QDPR: variants seen among roughly 807,000 people sequenced by gnomAD.
QDPR encodes quinoid dihydropteridine reductase.
In QDPR, 23 loss-of-function variants were observed where a neutral mutation model predicts 31.7. The observed-to-expected ratio is 0.73, with a 90% confidence interval of 0.52 to 1.03. The LOEUF is 1.03. Among genes scored for constraint, QDPR ranks in the 50% least tolerant of loss-of-function variants. The pLI is 0.00. For synonymous variants in QDPR, 124 were observed against 124.7 expected (o/e 0.99, Z 0.03); for missense variants, 324 against 323.8 (o/e 1.00, Z 0.00).
chr4:17,511,937 C>G lies in QDPR; in HGVS notation c.105+13G>C. ...CCCCGCGGAGACCCAGCAGCCCCAG[C>G]CCGCAGCATTACCCAGTTGCGGGCC... On this transcript the variant is annotated intron_variant, in intron 1 of 6. Transcript: ENST00000281243. 4 of 1,608,710 alleles carry G rather than the reference C, an allele frequency of 2.5e-6. No individual in the cohort carries two copies. The highest frequency in any genetic ancestry group is 3.4e-6 in the Non-Finnish European group (4 of 1,178,090).
intron 2 of QDPR, 60 bp from the exon 3 acceptor site, chr4:17,504,535 C>A: frequency 7.5e-7 from 1 of 1,326,140 alleles, no homozygotes; most frequent in Non-Finnish European, 1.1e-6. Flanking sequence ...AGGCTAGCAT[C>A]TTTACGGATA....
At chr4:17,508,613 T>C (rs17458406) in intron 2 of QDPR, among the ~76,000 whole-genome samples, 17,290 of 144,930 alleles carry the variant, frequency 0.12, 1,113 homozygotes, top group South Asian at 0.18. Context: ...TTTTCAGTAA[T>C]CTGGAGAATT....
intron 2 of QDPR, among the ~76,000 whole-genome samples, chr4:17,506,327 C>T (rs1030023294): frequency 2.6e-5 from 4 of 152,080 alleles, no homozygotes; most frequent in Non-Finnish European, 5.9e-5. Context: ...GATGGGGTTT[C>T]GCCATGTTGC....
chr4:17,507,297 C>T (rs996883422), intron 2 of QDPR, among the ~76,000 whole-genome samples: 5 of 152,190 alleles, frequency 3.3e-5, no homozygotes, highest in African/African-American at 1.2e-4. Flanking sequence ...GTAAAATGGC[C>T]TGCCTGCCTG....
At position 17,487,061 on chromosome 4, in the gene QDPR, C is replaced by G; in HGVS notation, c.*70G>C. 8.0e-6 allele frequency: 10 copies of G among 1,245,816 alleles called. No individual in the cohort carries two copies. The highest frequency in any genetic ancestry group is 3.5e-6 in the Non-Finnish European group (3 of 846,202). 77.2% of individuals were successfully genotyped at this position (1,245,816 alleles called of 1,614,324 possible). ...AACAGGGGTTACAGAAAACACAAGG[C>G]TGGACAAGGCCACACTGAGACAGGT... On this transcript the variant is annotated 3_prime_UTR_variant, in exon 7 of 7. Transcript: ENST00000281243.
At chr4:17,500,532 G>A (rs998847542) in intron 4 of QDPR, among the ~76,000 whole-genome samples, 1 of 152,176 alleles carries the variant, frequency 6.6e-6, no homozygotes, top group African/African-American at 2.4e-5. Flanking sequence ...GGTTTCCTTA[G>A]AAGAGGAGGA....
At chr4:17,509,447 CCAGGTGTAGTGGTT>C (rs1342377449) in intron 1 of QDPR, 84 bp from the exon 2 acceptor site, 1 of 1,232,018 alleles carries the variant, frequency 8.1e-7, no homozygotes, top group Non-Finnish European at 1.2e-6. Context: ...GGGGAGTTGG[CCAGGTGTAGTGGTT>C]CACGTCTGTA....
Position 17,487,066 on chromosome 4 carries a change from C to T in QDPR, c.*65G>A. 1 of 1,299,644 alleles carries T rather than the reference C, an allele frequency of 7.7e-7. No homozygotes were observed. The highest frequency in any genetic ancestry group is 1.5e-5 in the African/African-American group (1 of 68,764). 80.5% of individuals were successfully genotyped at this position (1,299,644 alleles called of 1,614,324 possible). ...GGGTTACAGAAAACACAAGGCTGGA[C>T]AAGGCCACACTGAGACAGGTTAGTG... On this transcript the variant is annotated 3_prime_UTR_variant, in exon 7 of 7. Transcript: ENST00000281243.
At chr4:17,493,755 T>C (rs1234852458) in intron 4 of QDPR, among the ~76,000 whole-genome samples, 3 of 152,180 alleles carry the variant, frequency 2.0e-5, no homozygotes, top group South Asian at 2.1e-4. Flanking sequence ...TAAGTTTTTA[T>C]AGAGCTTAAT....
intron 2 of QDPR, among the ~76,000 whole-genome samples, chr4:17,504,731 G>A (rs768705147): frequency 6.6e-6 from 1 of 151,928 alleles, no homozygotes; most frequent in Non-Finnish European, 1.5e-5. Context: ...AGAGACATGA[G>A]CATCCCTTGA....
chr4:17,496,859 C>T (rs1278988509), intron 4 of QDPR, among the ~76,000 whole-genome samples: 2 of 152,042 alleles, frequency 1.3e-5, no homozygotes, highest in South Asian at 2.1e-4. Flanking sequence ...CAGGTTCAAG[C>T]GATTCTCCTG....
At chr4:17,504,958 G>A (rs763462904) in intron 2 of QDPR, among the ~76,000 whole-genome samples, 13 of 151,942 alleles carry the variant, frequency 8.6e-5, no homozygotes, top group Admixed American at 5.2e-4. Context: ...AAATGCCAAC[G>A]AAAAATTGTA....
At chr4:17,502,711 G>A (rs1385263146) in intron 3 of QDPR, among the ~76,000 whole-genome samples, 1 of 152,196 alleles carries the variant, frequency 6.6e-6, no homozygotes, top group Non-Finnish European at 1.5e-5. Context: ...GCTAATAAAT[G>A]TAGAAGGGAT....
At chr4:17,491,564 C>T (rs1320985139) in intron 5 of QDPR, among the ~76,000 whole-genome samples, 1 of 152,064 alleles carries the variant, frequency 6.6e-6, no homozygotes, top group Non-Finnish European at 1.5e-5. Context: ...CATACATACC[C>T]CATATAATGA....
At chr4:17,497,011 A>T (rs9995723) in intron 4 of QDPR, among the ~76,000 whole-genome samples, 5,625 of 152,160 alleles carry the variant, frequency 0.037, 363 homozygotes, top group African/African-American at 0.13. Context: ...GGCCTCCCAA[A>T]GTGCTGGGAT....
At chr4:17,491,884 G>A (rs2108987389) in intron 5 of QDPR, among the ~76,000 whole-genome samples, 1 of 152,258 alleles carries the variant, frequency 6.6e-6, no homozygotes, top group African/African-American at 2.4e-5. Context: ...GGAAGCTGGA[G>A]GGAGCCCATT....
chr4:17,492,657 A>C, intron 4 of QDPR: 1 of 399,016 alleles, frequency 2.5e-6, no homozygotes, highest in Admixed American at 4.0e-5. Flanking sequence ...AGAAAAGATA[A>C]ATGAACATTT....
chr4:17,506,131 A>G (rs1718778735), intron 2 of QDPR, among the ~76,000 whole-genome samples: 1 of 151,896 alleles, frequency 6.6e-6, no homozygotes, highest in Non-Finnish European at 1.5e-5. Flanking sequence ...TTATTACTTT[A>G]TTTTTTGTTT....
intron 6 of QDPR, among the ~76,000 whole-genome samples, chr4:17,489,879 G>A (rs186624243): frequency 1.3e-5 from 2 of 152,178 alleles, no homozygotes; most frequent in African/African-American, 4.8e-5. Flanking sequence ...TTTACACAGA[G>A]GCACTACTGG....
Sources: allele counts gnomAD v4.1 joint callset (sites outside exome capture counted in the v4.1 genomes callset), GRCh38; gene constraint gnomAD v4.1.1; transcripts MANE v1.5; gene names NCBI Gene and HGNC (gene_info 2026-07-23, HGNC 2026-07-21).